Variants in OTC observed in about 807,000 individuals in gnomAD.
OTC encodes the protein ornithine transcarbamylase, mitochondrial.
A neutral mutation model predicts 30.3 loss-of-function variants in OTC; 3 were observed. The observed-to-expected ratio is 0.10, with a 90% CI of 0.05 to 0.26. The LOEUF is 0.26. Ranked by LOEUF, OTC falls within the 10% of genes least tolerant of loss-of-function variation. The pLI, the probability that OTC is intolerant of heterozygous loss-of-function variation, is 1.00. For synonymous variants in OTC, 111 were observed against 99.7 expected (o/e 1.11, Z -0.67); for missense variants, 194 against 260.3 (o/e 0.75, Z 1.75).
At position 38,381,350 on chromosome X, in the gene OTC, C is replaced by A; in HGVS notation, c.307C>A (p.Leu103Ile). The change falls in exon 4 of 10, where the codon CTT becomes ATT. Residue 103 changes from leucine to isoleucine, a missense_variant. Coordinates refer to ENST00000039007, the MANE Select transcript of OTC (RefSeq NM_000531.6). ...TRLSTETGFA[L>I]LGGHPCFLTT... ...TTTTTTTTTTATTGTAGGCTTTGCA[C>A]TTCTGGGAGGACATCCTTGTTTTCT... 2 of 1,184,927 alleles carry A rather than the reference C, an allele frequency of 1.7e-6. No individual in the cohort carries two copies. The highest frequency in any genetic ancestry group is 1.1e-6 in the Non-Finnish European group (1 of 872,967).
intron 4 of OTC, among the ~76,000 whole-genome samples, chrX:38,399,114 G>A: frequency 8.9e-6 from 1 of 111,767 alleles, no homozygotes; most frequent in Non-Finnish European, 1.9e-5. Context: ...GAAAATAATA[G>A]ATGATGCTTT....
chrX:38,366,754 C>T (rs981263623), intron 1 of OTC, among the ~76,000 whole-genome samples: 1 of 111,557 alleles, frequency 9.0e-6, no homozygotes, highest in African/African-American at 3.3e-5. Context: ...AATAAAAATT[C>T]AATCTCTTTT....
At chrX:38,376,421 C>A (rs958877123) in intron 3 of OTC, among the ~76,000 whole-genome samples, 1 of 111,496 alleles carries the variant, frequency 9.0e-6, no homozygotes, top group Admixed American at 9.5e-5. Flanking sequence ...TTCTAGTGCA[C>A]GAGTGAAGGC....
chrX:38,421,564 C>T, downstream of OTC: 1 of 125,954 alleles, frequency 7.9e-6, no homozygotes, highest in South Asian at 2.6e-4. Flanking sequence ...GTACAATTTT[C>T]AGGCCAATGA....
At chrX:38,369,651 C>A in intron 2 of OTC, 145 bp from the exon 3 acceptor site, 1 of 287,349 alleles carries the variant, frequency 3.5e-6, no homozygotes, top group Non-Finnish European at 6.2e-6. Flanking sequence ...TGAACCACCA[C>A]ACCTGGCCTA....
intron 4 of OTC, among the ~76,000 whole-genome samples, chrX:38,386,372 CAA>C (rs35048362): frequency 2.7e-4 from 23 of 84,031 alleles, no homozygotes; most frequent in African/African-American, 9.5e-4. Context: ...GACTCCATCT[CAA>C]AAAAAAAAAA....
intron 1 of OTC, among the ~76,000 whole-genome samples, chrX:38,356,457 G>A (rs138623599): frequency 0.019 from 2,070 of 111,449 alleles, 54 homozygotes; most frequent in East Asian, 0.17. Context: ...AGGGGGAGCG[G>A]AATTTATTGA....
At chrX:38,384,764 A>G (rs1379430621) in intron 4 of OTC, among the ~76,000 whole-genome samples, 1 of 111,090 alleles carries the variant, frequency 9.0e-6, no homozygotes, top group Non-Finnish European at 1.9e-5. Context: ...CATTGTTGAA[A>G]GAAGAGCCTG....
At chrX:38,330,015 G>T in the OTC span, among the ~76,000 whole-genome samples, 1 of 112,417 alleles carries the variant, frequency 8.9e-6, no homozygotes, top group East Asian at 2.8e-4. Context: ...GGACTTTGCA[G>T]TTGTGAGATG....
At chrX:38,377,637 AGTCTCCTGACTT>A (rs1258016538) in intron 3 of OTC, among the ~76,000 whole-genome samples, 1 of 112,098 alleles carries the variant, frequency 8.9e-6, no homozygotes, top group East Asian at 2.8e-4. Flanking sequence ...TTTTCGCAAC[AGTCTCCTGACTT>A]GTCTCCCTGC....
At chrX:38,355,020 G>A (rs1417820840) in intron 1 of OTC, among the ~76,000 whole-genome samples, 4 of 111,417 alleles carry the variant, frequency 3.6e-5, no homozygotes, top group Non-Finnish European at 1.9e-5. Context: ...AAAGGTGGAG[G>A]GCCCTTGTTA....
chrX:38,352,586 G>A (rs1397180286), upstream of OTC: 2 of 572,369 alleles, frequency 3.5e-6, no homozygotes, highest in Non-Finnish European at 6.0e-6. Flanking sequence ...TATTACCTTT[G>A]CTCCCTCACT....
At chrX:38,401,243 T>G (rs370882565) in intron 4 of OTC, 32 bp from the exon 5 acceptor site, 2 of 1,109,164 alleles carry the variant, frequency 1.8e-6, no homozygotes, top group African/African-American at 3.6e-5. Context: ...AGCATAATTA[T>G]CTTAGATTAT....
chrX:38,422,566 T>G (rs927062190), downstream of OTC, among the ~76,000 whole-genome samples: 15 of 112,107 alleles, frequency 1.3e-4, no homozygotes, highest in African/African-American at 3.6e-4. Context: ...ATGGATGGTA[T>G]AGTCTTCTTC....
chrX:38,372,738 C>T (rs1237939777), intron 3 of OTC, among the ~76,000 whole-genome samples: 1 of 112,514 alleles, frequency 8.9e-6, no homozygotes, highest in African/African-American at 3.2e-5. Context: ...AACAGTAAAC[C>T]CCAATCAAAA....
intron 4 of OTC, among the ~76,000 whole-genome samples, chrX:38,400,695 A>T (rs930993132): frequency 1.8e-5 from 2 of 112,164 alleles, no homozygotes; most frequent in African/African-American, 6.5e-5. Flanking sequence ...TATTCTCCCC[A>T]CTGTGTTCTG....
At chrX:38,375,967 T>C (rs1271298811) in intron 3 of OTC, among the ~76,000 whole-genome samples, 1 of 111,553 alleles carries the variant, frequency 9.0e-6, no homozygotes, top group Admixed American at 9.5e-5. Context: ...ACTACCAAGG[T>C]AGATGCAAAG....
intron 4 of OTC, among the ~76,000 whole-genome samples, chrX:38,400,550 A>G (rs1381540276): frequency 9.0e-6 from 1 of 111,363 alleles, no homozygotes; most frequent in Non-Finnish European, 1.9e-5. Flanking sequence ...CCTGTGGGAA[A>G]GAAGGATGCG....
At chrX:38,366,978 G>A (rs1269205797) in intron 1 of OTC, among the ~76,000 whole-genome samples, 1 of 110,703 alleles carries the variant, frequency 9.0e-6, no homozygotes, top group Non-Finnish European at 1.9e-5. Flanking sequence ...AGGAGTTCGA[G>A]ACCAGCCTGG....
Sources: allele counts gnomAD v4.1 joint callset (sites outside exome capture counted in the v4.1 genomes callset), GRCh38; gene constraint gnomAD v4.1.1; transcripts MANE v1.5; gene names NCBI Gene and HGNC (gene_info 2026-07-23, HGNC 2026-07-21).